Variants in GRID2 observed in about 807,000 individuals in gnomAD.
The protein encoded by GRID2 is glutamate ionotropic receptor delta type subunit 2, also known as glutamate receptor ionotropic, delta-2.
GRID2 carries 33 observed loss-of-function variants against 114.8 expected under a neutral mutation model. The observed-to-expected ratio is 0.29, with a 90% CI of 0.22 to 0.38. GRID2 has a LOEUF of 0.38. GRID2 is among the 10% of genes least tolerant of loss of function. The probability of loss-of-function intolerance (pLI) is 1.00; values close to 1 mark genes in which losing one functional copy is unlikely to be tolerated. For synonymous variants in GRID2, 505 were observed against 449.9 expected (o/e 1.12, Z -1.55); for missense variants, 1,184 against 1,257.7 (o/e 0.94, Z 0.89).
chr4:93,415,903 A>C (rs915418190), intron 9 of GRID2, among the ~76,000 whole-genome samples: 1 of 152,040 alleles, frequency 6.6e-6, no homozygotes, highest in Non-Finnish European at 1.5e-5. Flanking sequence ...TTAGGATGAC[A>C]GTATTTTTAT....
At chr4:93,762,606 C>G (rs116344707) in intron 14 of GRID2, among the ~76,000 whole-genome samples, 18 of 152,176 alleles carry the variant, frequency 1.2e-4, no homozygotes, top group African/African-American at 4.3e-4. Flanking sequence ...AAGAGAAAGG[C>G]AAGAAGACAT....
chr4:92,480,493 C>T (rs1185879453), intron 1 of GRID2, among the ~76,000 whole-genome samples: 2 of 152,072 alleles, frequency 1.3e-5, no homozygotes, highest in African/African-American at 4.8e-5. Flanking sequence ...GTCTTAGTTT[C>T]CTGAGGCTGT....
At chr4:92,748,276 A>G (rs1457825957) in intron 2 of GRID2, among the ~76,000 whole-genome samples, 1 of 152,198 alleles carries the variant, frequency 6.6e-6, no homozygotes, top group East Asian at 1.9e-4. Flanking sequence ...AAACTGACTA[A>G]CACAAATAAA....
At chr4:93,798,292 C>T (rs1157487221) in intron 1 of GRID2, among the ~76,000 whole-genome samples, 1 of 152,128 alleles carries the variant, frequency 6.6e-6, no homozygotes, top group African/African-American at 2.4e-5. Flanking sequence ...GGATCACAGT[C>T]TTTCCAAATA....
intron 1 of GRID2, among the ~76,000 whole-genome samples, chr4:92,353,481 G>C (rs182944413): frequency 5.9e-4 from 89 of 151,788 alleles, no homozygotes; most frequent in African/African-American, 2.0e-3. Context: ...CCTTCCTCAG[G>C]GTTTGTTGTT....
intron 2 of GRID2, among the ~76,000 whole-genome samples, chr4:92,694,347 A>C (rs1225404156): frequency 1.3e-5 from 2 of 152,172 alleles, no homozygotes; most frequent in Non-Finnish European, 2.9e-5. Flanking sequence ...ACCAAGCTCC[A>C]AAAGGAAGAT....
chr4:93,012,098 A>AC (rs1553966270), intron 2 of GRID2, among the ~76,000 whole-genome samples: 4 of 151,118 alleles, frequency 2.6e-5, no homozygotes, highest in South Asian at 4.2e-4. Flanking sequence ...AAAAAAAAAA[A>AC]CATGTATAGT....
chr4:93,096,430 A>T (rs548200866), intron 3 of GRID2, among the ~76,000 whole-genome samples: 3 of 152,030 alleles, frequency 2.0e-5, no homozygotes, highest in Non-Finnish European at 4.4e-5. Context: ...ATTCTAAAAC[A>T]TAGATCCGAA....
rs115522084 is a variant in GRID2 at position 93,634,035 on chromosome 4, G to A, written c.2360+7600G>A. 6.4e-3 allele frequency among the ~76,000 whole-genome samples: 971 copies of A among 152,210 alleles called. 14 individuals are homozygous for A. Among genetic ancestry groups the A allele is most frequent in the African/African-American group, 0.022 (924 of 41,554 alleles). On this transcript the variant is annotated intron_variant, in intron 14 of 15. Transcript: ENST00000282020. Reference sequence around the variant, plus strand: ...AAAACCAGAAGTTAAACAGTTAACTGGCTTCCCTTTAGAGATGCAAAATAT... The same window carrying A: ...AAAACCAGAAGTTAAACAGTTAACTAGCTTCCCTTTAGAGATGCAAAATAT...
intron 1 of GRID2, among the ~76,000 whole-genome samples, chr4:92,321,365 T>A (rs1433430274): frequency 6.6e-6 from 1 of 152,172 alleles, no homozygotes; most frequent in Admixed American, 6.6e-5. Context: ...GCAGTGTGCT[T>A]GTGTGTGCGC....
At chr4:93,288,382 GGGTTTCT>G (rs1385246600) in intron 8 of GRID2, among the ~76,000 whole-genome samples, 3 of 152,142 alleles carry the variant, frequency 2.0e-5, no homozygotes, top group Admixed American at 2.0e-4. Context: ...AGTGTCAGCT[GGGTTTCT>G]GGTGCTTGGG....
chr4:93,808,654 C>T (rs905172145), exon 2 of GRID2: 2 of 152,152 alleles, frequency 1.3e-5, no homozygotes, highest in African/African-American at 2.4e-5. Context: ...AAAACCGGGG[C>T]TCTACTGCCA....
intron 14 of GRID2, among the ~76,000 whole-genome samples, chr4:93,676,833 G>C (rs1007390465): frequency 1.3e-5 from 2 of 151,728 alleles, no homozygotes; most frequent in Non-Finnish European, 2.9e-5. Context: ...CCGGTCTACA[G>C]CTCCTAGTGT....
intron 2 of GRID2, among the ~76,000 whole-genome samples, chr4:92,898,990 G>T (rs1307579774): frequency 6.6e-6 from 1 of 152,012 alleles, no homozygotes; most frequent in African/African-American, 2.4e-5. Context: ...TAGCTGTATA[G>T]TGAAATAAGT....
At chr4:93,281,321 G>C (rs562130231) in intron 8 of GRID2, among the ~76,000 whole-genome samples, 89 of 152,008 alleles carry the variant, frequency 5.9e-4, no homozygotes, top group Non-Finnish European at 9.0e-4. Flanking sequence ...CCTAAGAAAA[G>C]TGTCCTTGAG....
chr4:92,805,016 A>G (rs756380683), intron 2 of GRID2, among the ~76,000 whole-genome samples: 7 of 151,984 alleles, frequency 4.6e-5, no homozygotes, highest in Non-Finnish European at 1.5e-5. Flanking sequence ...GATTTTTATT[A>G]TGGGCCAAAG....
chr4:93,366,237 A>G (rs908923373), intron 8 of GRID2, among the ~76,000 whole-genome samples: 2 of 152,162 alleles, frequency 1.3e-5, no homozygotes, highest in Non-Finnish European at 1.5e-5. Flanking sequence ...TGAAAAGCAA[A>G]TGGGAGAAAT....
chr4:93,039,447 C>T (rs1725274912), intron 2 of GRID2, among the ~76,000 whole-genome samples: 1 of 151,872 alleles, frequency 6.6e-6, no homozygotes, highest in South Asian at 2.1e-4. Flanking sequence ...TGCACATGTA[C>T]CTTAGAACTT....
At chr4:92,766,652 T>C (rs560678118) in intron 2 of GRID2, among the ~76,000 whole-genome samples, 1 of 151,994 alleles carries the variant, frequency 6.6e-6, no homozygotes, top group African/African-American at 2.4e-5. Flanking sequence ...AAAGGTCATA[T>C]ACATAAAAGA....
Sources: allele counts gnomAD v4.1 joint callset (sites outside exome capture counted in the v4.1 genomes callset), GRCh38; gene constraint gnomAD v4.1.1; transcripts MANE v1.5; gene names NCBI Gene and HGNC (gene_info 2026-07-23, HGNC 2026-07-21).